Variants in ZNF652 observed in about 807,000 individuals in gnomAD.
ZNF652 encodes zinc finger protein 652.
In ZNF652, 16 loss-of-function variants were observed where a neutral mutation model predicts 45.2. The ratio of observed to expected loss-of-function variants is 0.35; its 90% CI spans 0.24 to 0.54. ZNF652 has a LOEUF of 0.54. ZNF652 is among the 20% of genes least tolerant of loss of function. The probability of loss-of-function intolerance (pLI) is 0.91; values close to 1 mark genes in which losing one functional copy is unlikely to be tolerated. For missense variants in ZNF652, 614 were observed against 765.6 expected, an observed-to-expected ratio of 0.80 and a Z score of 2.34; for synonymous variants, 250 against 260.6, an observed-to-expected ratio of 0.96 and a Z score of 0.39.
chr17:49,320,876 G>A (rs371729496), intron 1 of ZNF652, among the ~76,000 whole-genome samples: 120 of 99,650 alleles, frequency 1.2e-3, no homozygotes, highest in South Asian at 2.4e-3. Context: ...TTTTGGAGAC[G>A]GAGTCTCGCT....
intron 1 of ZNF652, among the ~76,000 whole-genome samples, chr17:49,359,862 T>C (rs2070374388): frequency 6.6e-6 from 1 of 151,522 alleles, no homozygotes; most frequent in Non-Finnish European, 1.5e-5. Flanking sequence ...TTAACAAAGT[T>C]GAAAAAAAAA....
intron 1 of ZNF652, among the ~76,000 whole-genome samples, chr17:49,339,554 T>C (rs1276890801): frequency 4.6e-5 from 7 of 152,174 alleles, no homozygotes; most frequent in Non-Finnish European, 8.8e-5. Flanking sequence ...CAAGACAATC[T>C]GGCCTCTATC....
At position 49,292,595 on chromosome 17, in the gene ZNF652, A is replaced by G. The variant is rs1178480746; in HGVS notation, c.*5818T>C. Among the ~76,000 whole-genome samples, 1 of 152,174 alleles carries G rather than the reference A, an allele frequency of 6.6e-6. No homozygotes were observed. Reference sequence around the variant, plus strand: ...GCACATGGGAACAGGGCAGAGCAACAGCAGCACTCAGGATCCTTTCATCAG... The same window carrying G: ...GCACATGGGAACAGGGCAGAGCAACGGCAGCACTCAGGATCCTTTCATCAG... On this transcript the variant is annotated 3_prime_UTR_variant, in exon 6 of 6. Transcript: ENST00000430262.
At chr17:49,349,164 T>C (rs1192280984) in intron 1 of ZNF652, among the ~76,000 whole-genome samples, 1 of 152,212 alleles carries the variant, frequency 6.6e-6, no homozygotes, top group Non-Finnish European at 1.5e-5. Context: ...GTGCAGTGGC[T>C]CACGCCTGTA....
chr17:49,349,519 A>T (rs2070247873), intron 1 of ZNF652, among the ~76,000 whole-genome samples: 1 of 152,252 alleles, frequency 6.6e-6, no homozygotes, highest in Admixed American at 6.5e-5. Flanking sequence ...GTACTACCTT[A>T]TCTACAATGG....
chr17:49,311,105 A>G (rs1339080115), intron 5 of ZNF652, among the ~76,000 whole-genome samples: 1 of 152,242 alleles, frequency 6.6e-6, no homozygotes, highest in Non-Finnish European at 1.5e-5. Context: ...AAAGGCACTC[A>G]CAAATAATTC....
chr17:49,326,954 T>C (rs2069962157), intron 1 of ZNF652, among the ~76,000 whole-genome samples: 1 of 152,134 alleles, frequency 6.6e-6, no homozygotes, highest in African/African-American at 2.4e-5. Context: ...TTGAGCCTGA[T>C]GCCATGATTT....
intron 1 of ZNF652, among the ~76,000 whole-genome samples, chr17:49,337,191 C>G (rs535431663): frequency 6.6e-6 from 1 of 151,358 alleles, no homozygotes; most frequent in African/African-American, 2.4e-5. Context: ...TAAAAATTAG[C>G]CAGGTGTGGT....
chr17:49,352,798 TA>T, intron 1 of ZNF652, among the ~76,000 whole-genome samples: 1 of 152,180 alleles, frequency 6.6e-6, no homozygotes, highest in Non-Finnish European at 1.5e-5. Flanking sequence ...TACCTGGCAA[TA>T]AAAAGGAACA....
intron 1 of ZNF652, among the ~76,000 whole-genome samples, chr17:49,359,453 ATC>A (rs1269003656): frequency 6.6e-6 from 1 of 152,176 alleles, no homozygotes; most frequent in Non-Finnish European, 1.5e-5. Flanking sequence ...GCCAGTTAAT[ATC>A]ATAAATTCCT....
At chr17:49,342,426 T>C (rs1317620645) in intron 1 of ZNF652, among the ~76,000 whole-genome samples, 1 of 152,158 alleles carries the variant, frequency 6.6e-6, no homozygotes, top group South Asian at 2.1e-4. Flanking sequence ...GAACAGCTTT[T>C]GACACAAACC....
Position 49,292,821 on chromosome 17 carries a change from A to T in ZNF652, c.*5592T>A, listed in dbSNP as rs2069421530. On this transcript the variant is annotated 3_prime_UTR_variant, in exon 6 of 6. Coordinates refer to ENST00000430262, the MANE Select transcript of ZNF652 (RefSeq NM_001145365.3). ...TAAAAGTTAAAAATATAACCTAAAA[A>T]TGACATGGAGGAACAAAACAGAAAT... is the stretch of plus-strand genomic sequence containing the variant. Among the ~76,000 whole-genome samples the T allele has an allele frequency of 6.6e-6, 1 of 152,224 alleles. No individual in the cohort carries two copies. The highest frequency in any genetic ancestry group is 2.4e-5 in the African/African-American group (1 of 41,460).
In ZNF652 at chr17:49,317,067, G is replaced by C; in HGVS notation, c.659C>G (p.Pro220Arg). 1 of 1,614,018 alleles carries C rather than the reference G, an allele frequency of 6.2e-7. No individual in the cohort carries two copies. The highest frequency in any genetic ancestry group is 8.5e-7 in the Non-Finnish European group (1 of 1,180,000). ...CTTTGTGGCCCGCTTCTTACGCTTA[G>C]GTGGCTCTACACTCTTCCTACGACC... ...TRGRRKSVEP[P>R]KRKKRATKEP... The change falls in exon 2 of 6, where the codon CCT (proline) becomes CGT (arginine). Residue 220 changes from proline to arginine, a missense_variant. Coordinates refer to ENST00000430262, the MANE Select transcript of ZNF652 (RefSeq NM_001145365.3).
chr17:49,318,312 G>A (rs573940546), intron 1 of ZNF652, among the ~76,000 whole-genome samples: 5 of 152,232 alleles, frequency 3.3e-5, no homozygotes, highest in African/African-American at 1.2e-4. Context: ...TATTGACCTT[G>A]TGATCCACCT....
chr17:49,351,022 C>T (rs9910651), intron 1 of ZNF652, among the ~76,000 whole-genome samples: 50,550 of 96,084 alleles, frequency 0.53, 12,814 homozygotes, highest in East Asian at 0.6. Context: ...TATACACACA[C>T]ACACACACAC....
chr17:49,360,264 A>G (rs967167648), intron 1 of ZNF652, among the ~76,000 whole-genome samples: 43 of 152,210 alleles, frequency 2.8e-4, no homozygotes, highest in African/African-American at 9.9e-4. Flanking sequence ...TTAAAAAAAA[A>G]CTAACCAACT....
At chr17:49,359,134 C>T (rs1373509638) in intron 1 of ZNF652, among the ~76,000 whole-genome samples, 1 of 152,162 alleles carries the variant, frequency 6.6e-6, no homozygotes, top group Non-Finnish European at 1.5e-5. Context: ...TTTTAATGGT[C>T]TGTCAGTATA....
At chr17:49,299,013 A>C in intron 5 of ZNF652, 89 bp from the exon 6 acceptor site, 2 of 1,360,336 alleles carry the variant, frequency 1.5e-6, no homozygotes, top group Non-Finnish European at 9.8e-7. Context: ...ATGGGGTCTC[A>C]CTATGTTGAT....
chr17:49,344,132 C>T (rs2070179000), intron 1 of ZNF652, among the ~76,000 whole-genome samples: 1 of 151,786 alleles, frequency 6.6e-6, no homozygotes, highest in Admixed American at 6.6e-5. Flanking sequence ...ACCCGGGAGG[C>T]GGAGCTTGCA....
Sources: gnomAD v4.1 joint callset for allele counts (sites outside exome capture counted in the v4.1 genomes callset) on GRCh38, gnomAD v4.1.1 for gene constraint, MANE v1.5 for transcripts, NCBI Gene and HGNC (gene_info 2026-07-23, HGNC 2026-07-21) for gene names.